EPB41L4A: variants seen among roughly 807,000 people sequenced by gnomAD.
The protein encoded by EPB41L4A is band 4.1-like protein 4A.
Under a neutral mutation model 108.6 loss-of-function variants are expected in EPB41L4A, and 100 were observed. The ratio of observed to expected loss-of-function variants is 0.92; its 90% CI spans 0.78 to 1.09. The LOEUF is 1.09. Ranked by LOEUF, EPB41L4A falls within the 50% of genes least tolerant of loss-of-function variation. The pLI is 0.00. For missense variants in EPB41L4A, 1,030 were observed against 842.7 expected, an observed-to-expected ratio of 1.22 and a Z score of -2.75; for synonymous variants, 319 against 289.0, an observed-to-expected ratio of 1.10 and a Z score of -1.05.
At chr5:112,392,401 CAAAAAAAA>C (rs56256606) in intron 1 of EPB41L4A, among the ~76,000 whole-genome samples, 1 of 35,922 alleles carries the variant, frequency 2.8e-5, no homozygotes, top group African/African-American at 1.2e-4. Flanking sequence ...AAATGGAAAG[CAAAAAAAA>C]AAAAAAAAAA....
chr5:112,388,191 A>T, intron 1 of EPB41L4A, among the ~76,000 whole-genome samples: 1 of 152,230 alleles, frequency 6.6e-6, no homozygotes, highest in East Asian at 1.9e-4. Flanking sequence ...TTTCACAAAA[A>T]TACGCTTATC....
At chr5:112,250,014 T>C (rs376232677) in intron 9 of EPB41L4A, among the ~76,000 whole-genome samples, 1 of 151,832 alleles carries the variant, frequency 6.6e-6, no homozygotes, top group Non-Finnish European at 1.5e-5. Flanking sequence ...TACATATAGA[T>C]ACACACACAT....
chr5:112,380,282 A>C (rs1293895498), intron 1 of EPB41L4A, among the ~76,000 whole-genome samples: 1 of 152,230 alleles, frequency 6.6e-6, no homozygotes, highest in Non-Finnish European at 1.5e-5. Flanking sequence ...CAAAGGTATC[A>C]ACCTATTTAT....
intron 1 of EPB41L4A, chr5:112,392,671 G>A (rs1188045164): frequency 1.3e-5 from 2 of 152,062 alleles, no homozygotes; most frequent in Admixed American, 1.3e-4. Flanking sequence ...GTCAATATTA[G>A]ACAGATCAAT....
chr5:112,414,146 T>C (rs761178673), intron 1 of EPB41L4A, among the ~76,000 whole-genome samples: 2 of 152,208 alleles, frequency 1.3e-5, no homozygotes, highest in Non-Finnish European at 2.9e-5. Flanking sequence ...TTTTAATCAC[T>C]GCAGGTATTG....
intron 12 of EPB41L4A, among the ~76,000 whole-genome samples, chr5:112,148,419 A>G (rs531397781): frequency 6.6e-6 from 1 of 151,898 alleles, no homozygotes; most frequent in South Asian, 2.1e-4. Context: ...ACCAATTGAT[A>G]CATGGAATTT....
chr5:112,170,253 C>T, intron 20 of EPB41L4A, 48 bp downstream of exon 20: 1 of 1,564,554 alleles, frequency 6.4e-7, no homozygotes, highest in Non-Finnish European at 8.8e-7. Flanking sequence ...ATGGATTACT[C>T]ACAAGCACTA....
intron 12 of EPB41L4A, among the ~76,000 whole-genome samples, chr5:112,226,365 G>A (rs780784985): frequency 2.0e-5 from 3 of 152,162 alleles, no homozygotes; most frequent in Admixed American, 6.5e-5. Context: ...GCTTCTGTGC[G>A]CTCCTCATTC....
chr5:112,355,908 T>G (rs1170347214), intron 1 of EPB41L4A, among the ~76,000 whole-genome samples: 2 of 152,224 alleles, frequency 1.3e-5, no homozygotes, highest in African/African-American at 4.8e-5. Context: ...AAGTTTACTG[T>G]GTTCAAGTGA....
At chr5:112,302,815 T>A (rs1754450378) in intron 2 of EPB41L4A, among the ~76,000 whole-genome samples, 1 of 152,148 alleles carries the variant, frequency 6.6e-6, no homozygotes, top group Admixed American at 6.5e-5. Context: ...GTAACACACA[T>A]TCGTCAGCAG....
intron 3 of EPB41L4A, among the ~76,000 whole-genome samples, chr5:112,279,262 G>A (rs1561535585): frequency 6.6e-6 from 1 of 152,048 alleles, no homozygotes; most frequent in Non-Finnish European, 1.5e-5. Context: ...TTGCAGTCCA[G>A]GTTTCCAGTT....
chr5:112,390,890 T>C (rs1438772257), intron 1 of EPB41L4A, among the ~76,000 whole-genome samples: 4 of 152,196 alleles, frequency 2.6e-5, no homozygotes, highest in African/African-American at 9.6e-5. Flanking sequence ...CTGCAATATT[T>C]GCTGTTCTGC....
intron 2 of EPB41L4A, among the ~76,000 whole-genome samples, chr5:112,302,726 A>C (rs1754443407): frequency 6.6e-6 from 1 of 152,178 alleles, no homozygotes; most frequent in Admixed American, 6.5e-5. Context: ...GTCCCTCCTG[A>C]AACATCTGGG....
At chr5:112,329,868 CA>C (rs1756438970) in intron 1 of EPB41L4A, among the ~76,000 whole-genome samples, 1 of 151,986 alleles carries the variant, frequency 6.6e-6, no homozygotes, top group African/African-American at 2.4e-5. Flanking sequence ...TTATCTGCCA[CA>C]TCAAAAAGAG....
At chr5:112,411,625 C>CA (rs397971185) in intron 1 of EPB41L4A, among the ~76,000 whole-genome samples, 16,413 of 128,018 alleles carry the variant, frequency 0.13, 2,357 homozygotes, top group African/African-American at 0.36. Flanking sequence ...CTGGGGCTGG[C>CA]AAAAAAAAAA....
intron 1 of EPB41L4A, among the ~76,000 whole-genome samples, chr5:112,333,646 C>T (rs989909229): frequency 6.6e-6 from 1 of 152,130 alleles, no homozygotes; most frequent in South Asian, 2.1e-4. Flanking sequence ...ACTCACACAC[C>T]GTATGAGTTG....
At chr5:112,360,427 C>A (rs1448192923) in intron 1 of EPB41L4A, among the ~76,000 whole-genome samples, 1 of 152,222 alleles carries the variant, frequency 6.6e-6, no homozygotes, top group Non-Finnish European at 1.5e-5. Flanking sequence ...GCGCGCACCG[C>A]CACGCCTGAC....
intron 1 of EPB41L4A, among the ~76,000 whole-genome samples, chr5:112,385,692 A>T (rs533405492): frequency 1.3e-5 from 2 of 152,316 alleles, no homozygotes; most frequent in South Asian, 4.1e-4. Context: ...AGACTCCAAT[A>T]GACCAAAGGA....
At chr5:112,212,959 A>T (rs1747318415) in intron 12 of EPB41L4A, among the ~76,000 whole-genome samples, 1 of 152,192 alleles carries the variant, frequency 6.6e-6, no homozygotes, top group Admixed American at 6.5e-5. Flanking sequence ...TCCATCCAAA[A>T]ATTAACAGAG....
Sources: gnomAD v4.1 joint callset for allele counts (sites outside exome capture counted in the v4.1 genomes callset) on GRCh38, gnomAD v4.1.1 for gene constraint, MANE v1.5 for transcripts, NCBI Gene and HGNC (gene_info 2026-07-23, HGNC 2026-07-21) for gene names.